CYP2F1: variants seen among roughly 807,000 people sequenced by gnomAD.
CYP2F1 encodes the protein cytochrome P450 2F1.
A neutral mutation model predicts 40.4 loss-of-function variants in CYP2F1; 33 were observed. The ratio of observed to expected loss-of-function variants is 0.82; its 90% CI spans 0.62 to 1.09. CYP2F1 has a LOEUF of 1.09. CYP2F1 is among the 50% of genes least tolerant of loss of function. The pLI, the probability that CYP2F1 is intolerant of heterozygous loss-of-function variation, is 0.00. For missense variants in CYP2F1, 566 were observed against 655.7 expected (o/e 0.86, Z 1.49); for synonymous variants, 235 against 277.2 (o/e 0.85, Z 1.51).
chr19:41,116,238 G>A lies in CYP2F1; in HGVS notation c.50G>A (p.Cys17Tyr), dbSNP rs774569187. 3 of 1,614,016 alleles carry A rather than the reference G, an allele frequency of 1.9e-6. No homozygotes were observed. Among genetic ancestry groups the A allele is most frequent in the Non-Finnish European group, 2.5e-6 (3 of 1,179,976 alleles). ...TTACTCCTGCTCCTGGCTCTCGTCT[G>A]TCTGCTCCTGACCCTAAGCTCAAGA... The part of the protein sequence containing the change: ...AILLLLLALV[C>Y]LLLTLSSRDK... The change falls in exon 2 of 10, where the codon TGT (cysteine) becomes TAT (tyrosine). Residue 17 changes from cysteine (C) to tyrosine (Y), a missense_variant. Physicochemically the swap from Cys to Tyr is radical, Grantham distance 194 (BLOSUM62 -2). This residue lies in a region of CYP2F1 where 264 missense variants were observed against 275.7 expected (regional missense o/e 0.96). Transcript: ENST00000331105.
chr19:41,122,528 A>G (rs2032282016), intron 6 of CYP2F1, among the ~76,000 whole-genome samples: 1 of 151,728 alleles, frequency 6.6e-6, no homozygotes, highest in African/African-American at 2.4e-5. Context: ...ACACACACAT[A>G]CACACATACA....
chr19:41,114,962 G>A (rs2031705861), intron 1 of CYP2F1, among the ~76,000 whole-genome samples: 2 of 151,896 alleles, frequency 1.3e-5, no homozygotes, highest in African/African-American at 4.8e-5. Flanking sequence ...TAGAGACAGG[G>A]TTTCACCATG....
In CYP2F1 at chr19:41,128,299, C is replaced by T. The variant is rs1318837738; in HGVS notation, c.*217C>T. ...GGCATGTCTTTTTGTACCCACAGAG[C>T]TTGTTCTATGGCACGCCCTTTTCTA... On this transcript the variant is annotated 3_prime_UTR_variant, in exon 10 of 10. Coordinates refer to ENST00000331105, the MANE Select transcript of CYP2F1 (RefSeq NM_000774.5). The T allele has an allele frequency of 2.0e-6, 1 of 507,702 alleles. No individual in the cohort carries two copies. The highest frequency in any genetic ancestry group is 3.5e-5 in the Admixed American group (1 of 28,744). 31.4% of individuals were successfully genotyped at this position (507,702 alleles called of 1,614,324 possible).
intron 1 of CYP2F1, among the ~76,000 whole-genome samples, chr19:41,115,013 G>A (rs181498204): frequency 1.6e-4 from 25 of 151,774 alleles, no homozygotes; most frequent in South Asian, 6.2e-4. Context: ...CAAGTGATCC[G>A]CCTGCCTCGG....
chr19:41,123,054 A>T, intron 7 of CYP2F1, 91 bp downstream of exon 7: 2 of 1,423,922 alleles, frequency 1.4e-6, no homozygotes, highest in South Asian at 2.5e-5. Flanking sequence ...CCCAGGTCTG[A>T]TATAGCCTCC....
intron 1 of CYP2F1, among the ~76,000 whole-genome samples, chr19:41,115,736 G>C (rs2031754831): frequency 6.6e-6 from 1 of 151,382 alleles, no homozygotes; most frequent in Non-Finnish European, 1.5e-5. Context: ...ATAGATGTTA[G>C]ATAATAGATG....
intron 3 of CYP2F1, among the ~76,000 whole-genome samples, chr19:41,119,748 T>TATATATATATATATATATACACACAC (rs1337166345): frequency 5.5e-5 from 2 of 36,076 alleles, no homozygotes; most frequent in Non-Finnish European, 9.7e-5. Context: ...TATATATATA[T>TATATATATATATATATATACACACAC]ACACACACAC....
chr19:41,125,930 C>G, intron 9 of CYP2F1: 1 of 471,922 alleles, frequency 2.1e-6, no homozygotes. Flanking sequence ...GTCAGGAGTT[C>G]GAGACCAGCC....
At chr19:41,126,726 C>G (rs1346383031) in intron 9 of CYP2F1, among the ~76,000 whole-genome samples, 1 of 151,912 alleles carries the variant, frequency 6.6e-6, no homozygotes, top group African/African-American at 2.4e-5. Flanking sequence ...GCACTCCAGT[C>G]TGGGCAACAG....
chr19:41,121,730 C>T (rs2032218173), intron 5 of CYP2F1, 112 bp downstream of exon 5: 1 of 1,111,876 alleles, frequency 9.0e-7, no homozygotes, highest in African/African-American at 1.7e-5. Flanking sequence ...GGGCCCGCCC[C>T]CTCCCATCTG....
intron 9 of CYP2F1, among the ~76,000 whole-genome samples, chr19:41,126,807 G>GA (rs920482990): frequency 6.6e-6 from 1 of 150,840 alleles, no homozygotes; most frequent in South Asian, 2.1e-4. Context: ...AATTTTAAAA[G>GA]AAAAAAAAAT....
In CYP2F1 at chr19:41,116,354, A is replaced by C. The variant is rs1268359248; in HGVS notation, c.166A>C (p.Thr56Pro). The change falls in exon 2 of 10, where the codon ACT becomes CCT. Residue 56 changes from threonine (T) to proline (P), a missense_variant. Thr to Pro is a conservative substitution (Grantham distance 38). Coordinates refer to ENST00000331105, the MANE Select transcript of CYP2F1 (RefSeq NM_000774.5). ...LCSQDMLTSL[T>P]KLSKEYGSMY... ...CTCCCAAGACATGCTGACTTCTCTC[A>C]CTAAGGTGCAAGGCCCTTAGCTTGG... 9 of 1,613,970 alleles carry C rather than the reference A, an allele frequency of 5.6e-6. No homozygotes were observed. Among genetic ancestry groups the C allele is most frequent in the Non-Finnish European group, 7.6e-6 (9 of 1,179,952 alleles).
chr19:41,126,005 C>T (rs1009482792), intron 9 of CYP2F1, among the ~76,000 whole-genome samples: 1 of 151,484 alleles, frequency 6.6e-6, no homozygotes, highest in Non-Finnish European at 1.5e-5. Context: ...TGGTGGTGGG[C>T]GCATGTAGTC....
In CYP2F1 at chr19:41,120,354, C is replaced by T. The variant is rs1182763091; in HGVS notation, c.342C>T (p.Ala114=). ...FFNFTKGNGI[A]FSSGDRWKVL... ...CCCTCCTCTTCTCCCCAGGCATCGC[C>T]TTCTCCAGTGGGGATCGATGGAAGG... Residue 114 remains alanine, a synonymous_variant, in exon 4 of 10, where the codon GCC becomes GCT. Coordinates refer to ENST00000331105, the MANE Select transcript of CYP2F1 (RefSeq NM_000774.5). The T allele has an allele frequency of 2.5e-6, 4 of 1,594,712 alleles. No individual in the cohort carries two copies. The highest frequency in any genetic ancestry group is 3.4e-6 in the Non-Finnish European group (4 of 1,172,324).
chr19:41,126,799 T>A (rs1318169470), intron 9 of CYP2F1, among the ~76,000 whole-genome samples: 1 of 151,928 alleles, frequency 6.6e-6, no homozygotes, highest in Non-Finnish European at 1.5e-5. Context: ...TATATAAAAA[T>A]TTTAAAAGAA....
intron 1 of CYP2F1, among the ~76,000 whole-genome samples, chr19:41,115,787 AAAAG>A (rs753942016): frequency 4.2e-4 from 64 of 152,200 alleles, no homozygotes; most frequent in Admixed American, 1.7e-3. Flanking sequence ...GAAAGAAAGA[AAAAG>A]AAAGGAAGGA....
At chr19:41,124,607 G>A (rs891799573) in intron 7 of CYP2F1, 112 bp from the exon 8 acceptor site, 56 of 1,018,142 alleles carry the variant, frequency 5.5e-5, no homozygotes, top group Non-Finnish European at 7.5e-5. Context: ...GGCGCCCCGC[G>A]CTGGGAGACT....
intron 3 of CYP2F1, among the ~76,000 whole-genome samples, chr19:41,118,981 G>A (rs1212295210): frequency 6.6e-6 from 1 of 152,102 alleles, no homozygotes; most frequent in East Asian, 1.9e-4. Context: ...GAAGACACAG[G>A]CATCACCAAC....
chr19:41,116,050 TG>T, intron 1 of CYP2F1, 127 bp from the exon 2 acceptor site: 1 of 808,440 alleles, frequency 1.2e-6, no homozygotes, highest in Non-Finnish European at 1.9e-6. Flanking sequence ...CCCCATCCCC[TG>T]GCCTCTCCCT....
Sources: gnomAD v4.1 joint callset for allele counts (sites outside exome capture counted in the v4.1 genomes callset) on GRCh38, gnomAD v4.1.1 for gene constraint, gnomAD v4.1.1 regional missense constraint, MANE v1.5 for transcripts, NCBI Gene and HGNC (gene_info 2026-07-23, HGNC 2026-07-21) for gene names.